TMIGD3: variants seen among roughly 807,000 people sequenced by gnomAD.
TMIGD3 encodes transmembrane and immunoglobulin domain containing 3.
TMIGD3 carries 21 observed loss-of-function variants against 28.1 expected under a neutral mutation model. The observed-to-expected ratio is 0.75, with a 90% CI of 0.53 to 1.08. The LOEUF (loss-of-function observed/expected upper bound fraction) is 1.08, where lower values mean the gene tolerates loss of function less well. Ranked by LOEUF, TMIGD3 falls within the 50% of genes least tolerant of loss-of-function variation. The probability of loss-of-function intolerance (pLI) is 0.00; values close to 1 mark genes in which losing one functional copy is unlikely to be tolerated. For missense variants in TMIGD3, 416 were observed against 435.6 expected (o/e 0.96, Z 0.40); for synonymous variants, 151 against 162.1 (o/e 0.93, Z 0.52).
Position 111,529,104 on chromosome 1 carries a change from A to AT in TMIGD3, c.107+34741dup, listed in dbSNP as rs538117190. On this transcript the variant is annotated intron_variant, in intron 1 of 5. Transcript: ENST00000369717. ...TTTGTAATTATTTTATTTATTTTTT[A>AT]TTTTTTTTATTTTTTGTAATTTGAA... 8.4e-3 allele frequency among the ~76,000 whole-genome samples: 1,272 copies of AT among 150,918 alleles called. 16 individuals carry two copies. The highest frequency in any genetic ancestry group is 0.05 in the South Asian group (240 of 4,802).
intron 1 of TMIGD3, among the ~76,000 whole-genome samples, chr1:111,518,498 G>C (rs1035016031): frequency 5.3e-5 from 8 of 152,300 alleles, no homozygotes; most frequent in Admixed American, 4.6e-4. Flanking sequence ...AGCGTCTCCA[G>C]ACATTACTAA....
chr1:111,560,428 T>A (rs952579737), intron 1 of TMIGD3, among the ~76,000 whole-genome samples: 1 of 135,220 alleles, frequency 7.4e-6, no homozygotes, highest in Non-Finnish European at 1.5e-5. Flanking sequence ...GAATAGACTT[T>A]GTGGAACAGA....
At chr1:111,495,089 A>C (rs1365147042) in intron 1 of TMIGD3, among the ~76,000 whole-genome samples, 2 of 152,232 alleles carry the variant, frequency 1.3e-5, no homozygotes, top group African/African-American at 4.8e-5. Context: ...GAACTGGCAA[A>C]GATTTCATGA....
upstream of TMIGD3, among the ~76,000 whole-genome samples, chr1:111,506,951 A>G (rs538860316): frequency 2.4e-4 from 24 of 101,260 alleles, 1 homozygote; most frequent in South Asian, 9.2e-3. Context: ...ATATATACAC[A>G]CACATATATA....
At chr1:111,500,617 G>A (rs1237040807) in intron 1 of TMIGD3, 1 of 1,510,540 alleles carries the variant, frequency 6.6e-7, no homozygotes, top group Non-Finnish European at 9.1e-7. Context: ...TAGGGGAGAT[G>A]GAGCTGGTAA....
At chr1:111,530,651 GT>G (rs1201623125) in intron 1 of TMIGD3, among the ~76,000 whole-genome samples, 2 of 152,020 alleles carry the variant, frequency 1.3e-5, no homozygotes, top group Admixed American at 1.3e-4. Flanking sequence ...CAGTCTTCTG[GT>G]TTACATTGTT....
At chr1:111,530,401 C>A (rs1656421120) in intron 1 of TMIGD3, among the ~76,000 whole-genome samples, 1 of 151,748 alleles carries the variant, frequency 6.6e-6, no homozygotes, top group Non-Finnish European at 1.5e-5. Context: ...ATATATTTAC[C>A]ATTTCCATTG....
chr1:111,490,595 T>C (rs1654608354), intron 2 of TMIGD3, 61 bp downstream of exon 2: 15 of 1,321,214 alleles, frequency 1.1e-5, no homozygotes, highest in Non-Finnish European at 1.6e-5. Context: ...AGGACTTCAG[T>C]GCAAAGTCTC....
At chr1:111,516,927 T>G (rs534380066) in intron 1 of TMIGD3, among the ~76,000 whole-genome samples, 3 of 152,214 alleles carry the variant, frequency 2.0e-5, no homozygotes, top group African/African-American at 7.2e-5. Context: ...CTAGGCACCA[T>G]TCTCACTCTT....
intron 1 of TMIGD3, among the ~76,000 whole-genome samples, chr1:111,536,136 A>AC (rs1379574651): frequency 1.3e-5 from 2 of 152,184 alleles, no homozygotes; most frequent in Non-Finnish European, 2.9e-5. Flanking sequence ...TTCAGCTCAT[A>AC]AGTCCTTTAG....
At chr1:111,492,839 T>C (rs1254398547) in intron 1 of TMIGD3, among the ~76,000 whole-genome samples, 2 of 149,698 alleles carry the variant, frequency 1.3e-5, no homozygotes. Context: ...AAAAAGTATC[T>C]CTAAAGTAAA....
chr1:111,547,984 CT>C (rs1657100390), intron 1 of TMIGD3, among the ~76,000 whole-genome samples: 1 of 152,224 alleles, frequency 6.6e-6, no homozygotes, highest in Admixed American at 6.5e-5. Context: ...GACCAGTTCA[CT>C]TTTGCTTTGA....
chr1:111,487,033 G>A (rs1654410738), intron 3 of TMIGD3, among the ~76,000 whole-genome samples: 1 of 152,214 alleles, frequency 6.6e-6, no homozygotes, highest in Admixed American at 6.5e-5. Context: ...AGGCACAAGA[G>A]GGCCAATCCT....
rs766923748 is a variant in TMIGD3 at position 111,503,009 on chromosome 1, C to T, written c.346G>A (p.Val116Ile). The T allele has an allele frequency of 4.1e-5, 66 of 1,613,472 alleles. 1 individual carries two copies. Among genetic ancestry groups the T allele is most frequent in the South Asian group, 9.9e-5 (9 of 91,078 alleles). ...VDRYLRVKLT[V>I]RFRIPGLPGC... ...CCACCCCACGCCGCAGGCTACCTGA[C>T]GGTAAGCTTGACCCGCAAGTATCGG... Residue 116 changes from valine to isoleucine, a missense_variant, in exon 1 of 6, where the codon GTC becomes ATC. Transcript: ENST00000369716.
chr1:111,500,019 G>A, intron 1 of TMIGD3: 2 of 1,614,176 alleles, frequency 1.2e-6, no homozygotes, highest in East Asian at 4.5e-5. Context: ...AAGCTTTGAG[G>A]ATCAAAAGGT....
At chr1:111,502,049 A>ATATAATATATATATAGGATATATATAT (rs1655208448) in intron 1 of TMIGD3, among the ~76,000 whole-genome samples, 1 of 92,124 alleles carries the variant, frequency 1.1e-5, no homozygotes. Context: ...TATATATTTA[A>ATATAATATATATATAGGATATATATAT]TATAATAAAT....
At chr1:111,557,991 G>A (rs1407282050) in intron 1 of TMIGD3, among the ~76,000 whole-genome samples, 1 of 151,864 alleles carries the variant, frequency 6.6e-6, no homozygotes, top group African/African-American at 2.4e-5. Context: ...ATCTATTAAA[G>A]GGGAAAAAAT....
upstream of TMIGD3, among the ~76,000 whole-genome samples, chr1:111,508,231 CCTGGGG>C (rs879752784): frequency 6.6e-6 from 1 of 152,188 alleles, no homozygotes; most frequent in Non-Finnish European, 1.5e-5. Context: ...GTCTCCAGGC[CCTGGGG>C]GAAAGAGAAG....
intron 1 of TMIGD3, among the ~76,000 whole-genome samples, chr1:111,556,277 G>A (rs1657489832): frequency 6.6e-6 from 1 of 152,152 alleles, no homozygotes; most frequent in African/African-American, 2.4e-5. Context: ...CAGATAACAA[G>A]TATTGGTGAG....
Sources: allele counts gnomAD v4.1 joint callset (sites outside exome capture counted in the v4.1 genomes callset), GRCh38; gene constraint gnomAD v4.1.1; transcripts MANE v1.5; gene names NCBI Gene and HGNC (gene_info 2026-07-23, HGNC 2026-07-21).